The following LAMP3 variants were observed in gnomAD, a reference collection of about 807,000 sequenced individuals.
The protein encoded by LAMP3 is lysosome associated membrane protein 3.
In LAMP3, 26 loss-of-function variants were observed where a neutral mutation model predicts 34.8. The ratio of observed to expected loss-of-function variants is 0.75; its 90% CI spans 0.55 to 1.04. The LOEUF is 1.04. Among genes scored for constraint, LAMP3 ranks in the 50% least tolerant of loss-of-function variants. The probability of loss-of-function intolerance (pLI) is 0.00; values close to 1 mark genes in which losing one functional copy is unlikely to be tolerated. For synonymous variants in LAMP3, 180 were observed against 201.9 expected, an observed-to-expected ratio of 0.89 and a Z score of 0.92; for missense variants, 495 against 524.0, an observed-to-expected ratio of 0.94 and a Z score of 0.54.
At chr3:183,137,375 A>AT (rs1720130291) in intron 4 of LAMP3, among the ~76,000 whole-genome samples, 1 of 152,030 alleles carries the variant, frequency 6.6e-6, no homozygotes, top group South Asian at 2.1e-4. Flanking sequence ...AATGAACTCC[A>AT]TTTTCTCTAA....
chr3:183,156,813 A>G (rs559442299), intron 1 of LAMP3, among the ~76,000 whole-genome samples: 2 of 152,288 alleles, frequency 1.3e-5, no homozygotes, highest in Admixed American at 1.3e-4. Context: ...ATTTGACCAT[A>G]ATGACACAAC....
At chr3:183,130,260 G>A (rs1239791508) in intron 5 of LAMP3, among the ~76,000 whole-genome samples, 3 of 145,874 alleles carry the variant, frequency 2.1e-5, no homozygotes, top group East Asian at 4.2e-4. Context: ...CCGGGTTGAC[G>A]CCATTCTCCT....
At chr3:183,144,051 C>T (rs1446505229) in intron 3 of LAMP3, among the ~76,000 whole-genome samples, 2 of 152,168 alleles carry the variant, frequency 1.3e-5, no homozygotes, top group East Asian at 1.9e-4. Flanking sequence ...CTGCAAAACA[C>T]ACCGTGGAAG....
At position 183,140,539 on chromosome 3, in the gene LAMP3, T is replaced by C. The variant is rs1720248012; in HGVS notation, c.945A>G (p.Pro315=). Reference sequence around the variant, plus strand: ...AATGGGCATTCTGTAATTACTAACCTGGATCTGAGACGGTCAAATAGGCTC... The same window carrying C: ...AATGGGCATTCTGTAATTACTAACCCGGATCTGAGACGGTCAAATAGGCTC... The part of the protein sequence containing the change: ...EVGAYLTVSD[P]ETIYQGIKHA... The change falls in exon 4 of 6, where the codon CCA becomes CCG. Residue 315 remains proline (P), a splice_region_variant and synonymous_variant. Coordinates refer to ENST00000265598, the MANE Select transcript of LAMP3 (RefSeq NM_014398.4). 2 of 1,585,736 alleles carry C rather than the reference T, an allele frequency of 1.3e-6. No homozygotes were observed. The highest frequency in any genetic ancestry group is 4.5e-5 in the East Asian group (2 of 44,610).
In LAMP3 at chr3:183,133,023, C is replaced by T. The variant is rs569573018; in HGVS notation, c.1117+2694G>A. On this transcript the variant is annotated intron_variant, in intron 5 of 5. Coordinates refer to ENST00000265598, the MANE Select transcript of LAMP3 (RefSeq NM_014398.4). ...CAAATGCTGGGAAGTGGCACTGCCACATCTGCCTCAGCTTTGGAGAAAAGA... is the reference window on the plus strand; with the variant it reads ...CAAATGCTGGGAAGTGGCACTGCCATATCTGCCTCAGCTTTGGAGAAAAGA... The T allele has an allele frequency of 2.1e-4, 157 of 748,940 alleles. No individual in the cohort carries two copies. In the East Asian group the frequency reaches 2.6e-3, roughly 12 times the overall value. 46.4% of individuals were successfully genotyped at this position (748,940 alleles called of 1,614,324 possible). A position where few individuals can be genotyped will look rare whatever the true frequency, so the allele number is the denominator to read the frequency against.
At chr3:183,162,776 A>C, upstream of LAMP3, 12 of 915,138 alleles carry the variant, frequency 1.3e-5, no homozygotes, top group Non-Finnish European at 1.7e-5. Flanking sequence ...AGCAGCCGAA[A>C]AGCCCGCCCA....
chr3:183,163,317 T>C (rs1436882606), upstream of LAMP3, among the ~76,000 whole-genome samples: 4 of 133,228 alleles, frequency 3.0e-5, no homozygotes, highest in Admixed American at 1.6e-4. Context: ...TTTGTTTTGT[T>C]TTTTGAGACA....
chr3:183,162,275 G>A (rs1216161021), intron 1 of LAMP3, among the ~76,000 whole-genome samples: 1 of 152,034 alleles, frequency 6.6e-6, no homozygotes, highest in East Asian at 1.9e-4. Context: ...GGAAAAGCAA[G>A]ACAGGAGCGC....
At chr3:183,149,580 T>C (rs1377334369) in intron 3 of LAMP3, among the ~76,000 whole-genome samples, 1 of 10,118 alleles carries the variant, frequency 9.9e-5, no homozygotes, top group African/African-American at 3.0e-4. Flanking sequence ...AAAAAATATA[T>C]ATATATATAT....
chr3:183,127,175 C>T (rs1719799905), intron 5 of LAMP3, among the ~76,000 whole-genome samples: 1 of 152,128 alleles, frequency 6.6e-6, no homozygotes, highest in South Asian at 2.1e-4. Context: ...TGCTCTGTTG[C>T]CCAGGCTGGG....
upstream of LAMP3, chr3:183,162,806 G>A (rs1342205546): frequency 1.3e-5 from 9 of 704,420 alleles, no homozygotes; most frequent in Admixed American, 3.5e-5. Context: ...GGCGGGGAGG[G>A]AAACTCCGCC....
intron 5 of LAMP3, chr3:183,132,386 C>T (rs184153845): frequency 2.9e-4 from 280 of 968,528 alleles, no homozygotes; most frequent in Middle Eastern, 5.3e-4. Flanking sequence ...CTTTGAAATG[C>T]ATTGGTTTTT....
At chr3:183,128,147 C>CAAAA (rs56282591) in intron 5 of LAMP3, among the ~76,000 whole-genome samples, 4 of 126,728 alleles carry the variant, frequency 3.2e-5, no homozygotes, top group African/African-American at 1.2e-4. Context: ...CACTCCATCT[C>CAAAA]AAAAAAAAAA....
At position 183,150,977 on chromosome 3, in the gene LAMP3, A is replaced by T. The variant is rs556567742; in HGVS notation, c.888+1398T>A. Among the ~76,000 whole-genome samples the T allele has an allele frequency of 8.5e-5, 13 of 152,188 alleles. No homozygotes were observed. In the South Asian group the frequency reaches 2.5e-3, roughly 29 times the overall value. On this transcript the variant is annotated intron_variant, in intron 3 of 5. Transcript: ENST00000265598. ...CTTTCCCACTTGGTCCCAAAAGGAA[A>T]CCACTGACTTCTCAAGCGCAACTCT...
intron 4 of LAMP3, among the ~76,000 whole-genome samples, chr3:183,139,648 A>T (rs1294843350): frequency 1.3e-5 from 2 of 152,206 alleles, no homozygotes; most frequent in Non-Finnish European, 2.9e-5. Context: ...CAAAAAAGTG[A>T]TGTGCATGTG....
intron 1 of LAMP3, among the ~76,000 whole-genome samples, chr3:183,161,738 C>G (rs1256642326): frequency 1.3e-5 from 2 of 152,062 alleles, no homozygotes; most frequent in Non-Finnish European, 2.9e-5. Flanking sequence ...AAGGAGCGCT[C>G]ACATACAGGT....
intron 2 of LAMP3, among the ~76,000 whole-genome samples, chr3:183,153,047 T>C (rs1283917097): frequency 1.3e-5 from 2 of 151,844 alleles, no homozygotes; most frequent in African/African-American, 2.4e-5. Context: ...TGATGGCAGG[T>C]GCCTGTAATC....
chr3:183,134,421 G>T (rs532421863), intron 5 of LAMP3, among the ~76,000 whole-genome samples: 1 of 152,324 alleles, frequency 6.6e-6, no homozygotes, highest in African/African-American at 2.4e-5. Context: ...CCACTAAGAA[G>T]TTTCCCAGAC....
chr3:183,162,870 C>T (rs540192548), upstream of LAMP3: 125 of 524,430 alleles, frequency 2.4e-4, no homozygotes, highest in Admixed American at 4.7e-4. Flanking sequence ...GCGCAGCCGC[C>T]GGGGCCCGGG....
Sources: allele counts gnomAD v4.1 joint callset (sites outside exome capture counted in the v4.1 genomes callset), GRCh38; gene constraint gnomAD v4.1.1; transcripts MANE v1.5; gene names NCBI Gene and HGNC (gene_info 2026-07-23, HGNC 2026-07-21).